Variants in RPTOR observed in about 807,000 individuals in gnomAD.
RPTOR encodes the protein regulatory associated protein of MTOR complex 1, also known as regulatory-associated protein of mTOR.
RPTOR carries 21 observed loss-of-function variants against 169.9 expected under a neutral mutation model. That is an observed-to-expected ratio of 0.12 (90% CI 0.09 to 0.18). The LOEUF (loss-of-function observed/expected upper bound fraction) is 0.18. RPTOR is among the 10% of genes least tolerant of loss of function. The pLI is 1.00. For missense variants in RPTOR, 1,133 were observed against 1,855.9 expected (o/e 0.61, Z 7.16); for synonymous variants, 732 against 753.2 (o/e 0.97, Z 0.46).
At chr17:80,569,289 T>C (rs2064877745) in intron 1 of RPTOR, among the ~76,000 whole-genome samples, 1 of 152,180 alleles carries the variant, frequency 6.6e-6, no homozygotes, top group Non-Finnish European at 1.5e-5. Flanking sequence ...TTAAACAGTG[T>C]TGAGTTTTGT....
chr17:80,653,408 A>G (rs1202291751), intron 3 of RPTOR, among the ~76,000 whole-genome samples: 3 of 152,204 alleles, frequency 2.0e-5, no homozygotes, highest in African/African-American at 4.8e-5. Context: ...TTCTTTGACT[A>G]TTGACTATAC....
chr17:80,629,513 G>T (rs2065425048), intron 2 of RPTOR, among the ~76,000 whole-genome samples: 1 of 151,112 alleles, frequency 6.6e-6, no homozygotes, highest in South Asian at 2.1e-4. Flanking sequence ...TCTTCTGTGT[G>T]TCTCTCTCTT....
intron 3 of RPTOR, among the ~76,000 whole-genome samples, chr17:80,660,736 G>A (rs975912663): frequency 7.9e-5 from 12 of 152,162 alleles, no homozygotes; most frequent in African/African-American, 2.7e-4. Flanking sequence ...CCTGCTGGCC[G>A]CACTCAATGG....
In RPTOR at chr17:80,860,851, C is replaced by T. The variant is rs373518888; in HGVS notation, c.1509+2951C>T. Among the ~76,000 whole-genome samples, 96 of 152,150 alleles carry T rather than the reference C, an allele frequency of 6.3e-4. No individual in the cohort carries two copies. Among genetic ancestry groups the T allele is most frequent in the African/African-American group, 1.8e-3 (76 of 41,510 alleles). On this transcript the variant is annotated intron_variant, in intron 13 of 33. Coordinates refer to ENST00000306801, the MANE Select transcript of RPTOR (RefSeq NM_020761.3). The surrounding 1 kb of genome is among the most constrained non-coding windows in gnomAD (Gnocchi z 5.8). ...GGCACTGACCATGGCTCTGCTGGCA[C>T]GGGTCGGCTACCGTGCTTGCCATCT...
rs74001112 is a variant in RPTOR at position 80,920,125 on chromosome 17, C to T, written c.2521-2599C>T. 9.3e-3 allele frequency among the ~76,000 whole-genome samples: 1,411 copies of T among 152,326 alleles called. 9 individuals carry two copies. Among genetic ancestry groups the T allele is most frequent in the African/African-American group, 0.019 (805 of 41,556 alleles). On this transcript the variant is annotated intron_variant, in intron 21 of 33. Coordinates refer to ENST00000306801, the MANE Select transcript of RPTOR (RefSeq NM_020761.3). ...GAAAGGACTCTCCCTGGTCCTCTGC[C>T]TTTGCCCCTGCCCCAGCCAGCTCTG... is the stretch of plus-strand genomic sequence containing the variant.
chr17:80,589,906 T>C (rs1468562444), intron 1 of RPTOR, among the ~76,000 whole-genome samples: 1 of 152,232 alleles, frequency 6.6e-6, no homozygotes, highest in African/African-American at 2.4e-5. Context: ...CTTTTTTCTA[T>C]CTGTGCTACA....
chr17:80,908,413 G>A lies in RPTOR; in HGVS notation c.2402-398G>A, dbSNP rs1036605416. On this transcript the variant is annotated intron_variant, in intron 20 of 33. Coordinates refer to ENST00000306801, the MANE Select transcript of RPTOR (RefSeq NM_020761.3). ...TGCACAGCAGCACGTGCTGAACTTG[G>A]TGCAGTGCAGACGTCCATGCCACAT... Among the ~76,000 whole-genome samples the A allele has an allele frequency of 1.3e-5, 2 of 152,174 alleles. 1 individual carries two copies. Among genetic ancestry groups the A allele is most frequent in the South Asian group, 4.1e-4 (2 of 4,832 alleles).
chr17:80,844,799 C>T lies in RPTOR; in HGVS notation c.1213-1674C>T, dbSNP rs866633266. Among the ~76,000 whole-genome samples the T allele has an allele frequency of 9.6e-4, 146 of 152,314 alleles. No homozygotes were observed. Among genetic ancestry groups the T allele is most frequent in the Middle Eastern group, 3.4e-3 (1 of 294 alleles). On this transcript the variant is annotated intron_variant, in intron 10 of 33. Transcript: ENST00000306801. This position sits in a 1 kb window ranked among gnomAD's most constrained non-coding sequence, Gnocchi z 4.7. Reference sequence around the variant, plus strand: ...CTGGCGTTCGCCTGTCCACATGTGTCCACATTCACTGGAACCCGGGGCACA... The same window carrying T: ...CTGGCGTTCGCCTGTCCACATGTGTTCACATTCACTGGAACCCGGGGCACA...
intron 6 of RPTOR, among the ~76,000 whole-genome samples, chr17:80,784,207 G>T (rs927980020): frequency 6.6e-6 from 1 of 150,930 alleles, no homozygotes; most frequent in Admixed American, 6.6e-5. Context: ...TCCTGCCTTG[G>T]GCTCCCAGAG....
At chr17:80,819,178 C>T (rs2143603672) in intron 7 of RPTOR, among the ~76,000 whole-genome samples, 1 of 152,294 alleles carries the variant, frequency 6.6e-6, no homozygotes, top group African/African-American at 2.4e-5. Flanking sequence ...CCCAGCATCA[C>T]CAGGGCCAAG....
intron 7 of RPTOR, among the ~76,000 whole-genome samples, chr17:80,806,613 A>G (rs1265063494): frequency 6.6e-6 from 1 of 152,204 alleles, no homozygotes; most frequent in East Asian, 1.9e-4. Flanking sequence ...ACCTAGACAC[A>G]CTGACCACCT....
Position 80,878,472 on chromosome 17 carries a change from G to A in RPTOR, c.1510-1943G>A, listed in dbSNP as rs192741914. Among the ~76,000 whole-genome samples the A allele has an allele frequency of 1.3e-5, 2 of 151,826 alleles. No individual in the cohort carries two copies. Among genetic ancestry groups the A allele is most frequent in the Non-Finnish European group, 2.9e-5 (2 of 67,960 alleles). On this transcript the variant is annotated intron_variant, in intron 13 of 33. Coordinates refer to ENST00000306801, the MANE Select transcript of RPTOR (RefSeq NM_020761.3). This position sits in a 1 kb window ranked among gnomAD's most constrained non-coding sequence, Gnocchi z 4.1. ...AGCGATTCTCCTGCCTCAGCCTCCC[G>A]AGTAGCTGGGACTACAGGCACGCAC... is the stretch of plus-strand genomic sequence containing the variant.
rs903326012 is a variant in RPTOR, at chr17:80,843,420, CA to C, written c.1213-3044del. Among the ~76,000 whole-genome samples, 64 of 44,762 alleles carry C rather than the reference CA, an allele frequency of 1.4e-3. 1 individual carries two copies. Among genetic ancestry groups the C allele is most frequent in the African/African-American group, 7.0e-3 (52 of 7,426 alleles). The allele number at this position is 44,762 out of a possible 152,430, so 29.4% of individuals were successfully genotyped here. On this transcript the variant is annotated intron_variant, in intron 10 of 33. Transcript: ENST00000306801. ...TGGGCAACAGAGTGAGACTCTGTCT[CA>C]AAAAAAAATTTTTTTTTTTGGTTTA... is the stretch of plus-strand genomic sequence containing the variant.
rs559120605 is a variant in RPTOR, at chr17:80,631,544, C to T, written c.265+5751C>T. ...TCGGAGAGGACGGGCCTGTGGGATTCGGTTTGTCTGCCCTGCGGTCTCAGC... is the reference window on the plus strand; with the variant it reads ...TCGGAGAGGACGGGCCTGTGGGATTTGGTTTGTCTGCCCTGCGGTCTCAGC... On this transcript the variant is annotated intron_variant, in intron 2 of 33. Transcript: ENST00000306801. Among the ~76,000 whole-genome samples the T allele has an allele frequency of 3.3e-5, 5 of 152,226 alleles. No homozygotes were observed. The East Asian group carries it at 7.7e-4, about 23-fold the overall frequency.
chr17:80,784,700 C>CTTT (rs201356839), intron 6 of RPTOR, among the ~76,000 whole-genome samples: 4 of 137,386 alleles, frequency 2.9e-5, no homozygotes, highest in African/African-American at 1.1e-4. Context: ...GCCTATTTTA[C>CTTT]TTTTTTTTTT....
intron 10 of RPTOR, among the ~76,000 whole-genome samples, chr17:80,840,008 T>C (rs2067609846): frequency 6.6e-6 from 1 of 152,210 alleles, no homozygotes; most frequent in South Asian, 2.1e-4. Context: ...ACTAGGTTCC[T>C]TTTGTTTTTA....
intron 13 of RPTOR, among the ~76,000 whole-genome samples, chr17:80,859,616 G>A (rs1454860326): frequency 6.6e-6 from 1 of 152,194 alleles, no homozygotes; most frequent in Non-Finnish European, 1.5e-5. Context: ...GGCTGGCTTT[G>A]CTCCCTGCTT....
chr17:80,942,699 C>T (rs2069047935), intron 25 of RPTOR, among the ~76,000 whole-genome samples: 1 of 152,180 alleles, frequency 6.6e-6, no homozygotes, highest in Non-Finnish European at 1.5e-5. Flanking sequence ...GAATTGATGC[C>T]TGTAGATGGA....
chr17:80,884,562 A>G (rs969603938), intron 16 of RPTOR, among the ~76,000 whole-genome samples: 10 of 152,214 alleles, frequency 6.6e-5, no homozygotes, highest in African/African-American at 1.2e-4. Context: ...CCCGGACCCC[A>G]GGGCCAGCAC....
Sources: gnomAD v4.1 joint callset for allele counts (sites outside exome capture counted in the v4.1 genomes callset) on GRCh38, gnomAD v4.1.1 for gene constraint, Gnocchi (gnomAD v3.1) non-coding constraint, MANE v1.5 for transcripts, NCBI Gene and HGNC (gene_info 2026-07-23, HGNC 2026-07-21) for gene names.